The following FHIT variants were observed in gnomAD, a reference collection of about 807,000 sequenced individuals.
FHIT encodes the protein fragile histidine triad diadenosine triphosphatase.
In FHIT, 19 loss-of-function variants were observed where a neutral mutation model predicts 17.9. The observed-to-expected ratio is 1.06, with a 90% CI of 0.74 to 1.56. The LOEUF (loss-of-function observed/expected upper bound fraction) is 1.56. FHIT is among the 40% of genes most tolerant of loss of function. The probability of loss-of-function intolerance (pLI) is 0.00; values close to 1 mark genes in which losing one functional copy is unlikely to be tolerated. For missense variants in FHIT, 248 were observed against 189.2 expected (o/e 1.31, Z -1.82); for synonymous variants, 81 against 69.7 (o/e 1.16, Z -0.81).
rs184136807 is a variant in FHIT at position 60,809,641 on chromosome 3, A to T, written c.-18+12278T>A. ...GAATCACCCAGAGCTCTTATTAAAA[A>T]CAGATTCCTGGGCCCTGACCCCAAA... On this transcript the variant is annotated intron_variant, in intron 4 of 9. Transcript: ENST00000492590. 1.6e-4 allele frequency among the ~76,000 whole-genome samples: 24 copies of T among 152,324 alleles called. No individual in the cohort carries two copies. In the East Asian group the frequency reaches 3.9e-3, roughly 24 times the overall value.
chr3:59,974,146 T>A (rs1708306659), intron 7 of FHIT, among the ~76,000 whole-genome samples: 1 of 152,090 alleles, frequency 6.6e-6, no homozygotes, highest in East Asian at 1.9e-4. Flanking sequence ...AAGGGAACTG[T>A]TATGACTCCA....
intron 2 of FHIT, among the ~76,000 whole-genome samples, chr3:61,136,338 C>A (rs866269044): frequency 2.0e-5 from 3 of 150,226 alleles, no homozygotes; most frequent in Non-Finnish European, 4.4e-5. Context: ...TTTGCCACAA[C>A]CAAGATAATG....
intron 5 of FHIT, among the ~76,000 whole-genome samples, chr3:60,466,718 C>T (rs368375130): frequency 3.7e-4 from 56 of 151,680 alleles, no homozygotes; most frequent in Middle Eastern, 3.4e-3. Context: ...GAATAAATCC[C>T]GCTTGGTCAT....
intron 4 of FHIT, among the ~76,000 whole-genome samples, chr3:60,668,371 G>GAAAAAA (rs60941309): frequency 5.9e-4 from 40 of 68,026 alleles, no homozygotes; most frequent in Non-Finnish European, 1.1e-3. Flanking sequence ...GCTCAATCAG[G>GAAAAAA]AAAAAAAAAA....
chr3:60,017,433 T>A (rs1300550150), intron 5 of FHIT, among the ~76,000 whole-genome samples: 2 of 152,168 alleles, frequency 1.3e-5, no homozygotes, highest in African/African-American at 2.4e-5. Flanking sequence ...TCATCCTGAC[T>A]TTGGGTTGCT....
intron 5 of FHIT, among the ~76,000 whole-genome samples, chr3:60,420,615 C>T (rs1702431290): frequency 1.3e-5 from 2 of 152,112 alleles, no homozygotes; most frequent in African/African-American, 4.8e-5. Flanking sequence ...TTTTACTTAG[C>T]AATTCTCTGA....
At chr3:59,908,504 T>A (rs1575677937) in intron 8 of FHIT, among the ~76,000 whole-genome samples, 2 of 152,232 alleles carry the variant, frequency 1.3e-5, no homozygotes. Flanking sequence ...AAGGTCACCA[T>A]CCTGCAAAGA....
intron 8 of FHIT, among the ~76,000 whole-genome samples, chr3:59,807,393 G>C (rs557281119): frequency 2.6e-5 from 4 of 152,296 alleles, no homozygotes; most frequent in Non-Finnish European, 4.4e-5. Context: ...ACACTATGGG[G>C]TGTCATCAGC....
intron 2 of FHIT, among the ~76,000 whole-genome samples, chr3:61,085,827 A>C (rs1248575043): frequency 1.3e-5 from 2 of 152,148 alleles, no homozygotes; most frequent in Non-Finnish European, 2.9e-5. Flanking sequence ...TTGGATAAAG[A>C]CATGCAATTG....
At chr3:60,725,290 T>C (rs541920959) in intron 4 of FHIT, among the ~76,000 whole-genome samples, 2 of 152,346 alleles carry the variant, frequency 1.3e-5, no homozygotes, top group East Asian at 1.9e-4. Context: ...TTTTAATTTT[T>C]AGGATGTCCA....
intron 3 of FHIT, among the ~76,000 whole-genome samples, chr3:60,940,399 A>G (rs1553774202): frequency 6.6e-6 from 1 of 150,460 alleles, no homozygotes; most frequent in African/African-American, 2.5e-5. Flanking sequence ...AATGTAATTA[A>G]TCTGAGATAT....
intron 3 of FHIT, among the ~76,000 whole-genome samples, chr3:61,021,136 C>G (rs1294215546): frequency 6.6e-6 from 1 of 152,140 alleles, no homozygotes; most frequent in Admixed American, 6.5e-5. Context: ...AGAAAACTAA[C>G]AAGAATATTC....
chr3:60,664,415 A>G (rs1553691946), intron 4 of FHIT, among the ~76,000 whole-genome samples: 1 of 152,042 alleles, frequency 6.6e-6, no homozygotes, highest in African/African-American at 2.4e-5. Context: ...AAGACATTGA[A>G]CTATAGTCTT....
chr3:60,021,468 C>A (rs975337974), intron 5 of FHIT, among the ~76,000 whole-genome samples: 5 of 152,022 alleles, frequency 3.3e-5, no homozygotes, highest in African/African-American at 9.7e-5. Flanking sequence ...CTTTTCAATG[C>A]AAAGTAATCT....
intron 4 of FHIT, among the ~76,000 whole-genome samples, chr3:60,626,172 A>G (rs995887334): frequency 1.3e-5 from 2 of 151,988 alleles, no homozygotes; most frequent in African/African-American, 2.4e-5. Flanking sequence ...CCAAGTTCGC[A>G]CTTTTTTTCA....
At chr3:60,823,754 A>G (rs1193383266) in intron 3 of FHIT, among the ~76,000 whole-genome samples, 1 of 152,142 alleles carries the variant, frequency 6.6e-6, no homozygotes, top group Non-Finnish European at 1.5e-5. Context: ...AAATCAATAC[A>G]GTGTGTTTGG....
At chr3:60,639,061 A>G (rs1226673763) in intron 4 of FHIT, among the ~76,000 whole-genome samples, 1 of 147,478 alleles carries the variant, frequency 6.8e-6, no homozygotes, top group Non-Finnish European at 1.5e-5. Flanking sequence ...GGCATGCAAG[A>G]TTCAAGCATC....
At chr3:60,961,261 T>C (rs1444489927) in intron 3 of FHIT, among the ~76,000 whole-genome samples, 28 of 150,044 alleles carry the variant, frequency 1.9e-4, no homozygotes, top group Admixed American at 8.0e-4. Flanking sequence ...ATATCCTTCG[T>C]TCACTTTTTG....
intron 8 of FHIT, among the ~76,000 whole-genome samples, chr3:59,786,905 G>C (rs1266254989): frequency 6.6e-6 from 1 of 152,208 alleles, no homozygotes; most frequent in African/African-American, 2.4e-5. Context: ...TGAGGGTGTG[G>C]AGGTCATTTT....
Sources: allele counts gnomAD v4.1 joint callset (sites outside exome capture counted in the v4.1 genomes callset), GRCh38; gene constraint gnomAD v4.1.1; transcripts MANE v1.5; gene names NCBI Gene and HGNC (gene_info 2026-07-23, HGNC 2026-07-21).